Variants in LAMC2 observed in about 807,000 individuals in gnomAD.
The protein encoded by LAMC2 is laminin subunit gamma 2, also known as laminin subunit gamma-2.
Under a neutral mutation model 140.2 loss-of-function variants are expected in LAMC2, and 97 were observed. The observed-to-expected ratio is 0.69, with a 90% CI of 0.59 to 0.82. LAMC2 has a LOEUF of 0.82. Among genes scored for constraint, LAMC2 ranks in the 40% least tolerant of loss-of-function variants. The pLI, the probability that LAMC2 is intolerant of heterozygous loss-of-function variation, is 0.00. For missense variants in LAMC2, 1,402 were observed against 1,476.1 expected (o/e 0.95, Z 0.82); for synonymous variants, 513 against 540.2 (o/e 0.95, Z 0.70).
chr1:183,208,301 A>G (rs981168250), intron 2 of LAMC2, among the ~76,000 whole-genome samples: 1 of 152,198 alleles, frequency 6.6e-6, no homozygotes, highest in Non-Finnish European at 1.5e-5. Flanking sequence ...TCTCTTAAGT[A>G]GGGGTTGGTG....
At chr1:183,241,454 C>T (rs1031771207) in intron 22 of LAMC2, among the ~76,000 whole-genome samples, 1 of 152,052 alleles carries the variant, frequency 6.6e-6, no homozygotes, top group South Asian at 2.1e-4. Context: ...TCAGGTTTCC[C>T]TACAGAATCG....
rs143231519 is a variant in LAMC2, at chr1:183,235,678, G to C, written c.2404G>C (p.Gly802Arg). ...LVRKALHEGV[G>R]SGSGSPDGAV... ...GCGCAAGGCCCTGCATGAAGGAGTC[G>C]GAAGCGGAAGCGGTAGCCCGGACGG... The change falls in exon 16 of 23, where the codon GGA becomes CGA. Residue 802 changes from glycine (G) to arginine (R), a missense_variant. Physicochemically the swap from Gly to Arg is moderately radical, Grantham distance 125. This residue lies in a region of LAMC2 where 670 missense variants were observed against 667.2 expected (regional missense o/e 1.00). Coordinates refer to ENST00000264144, the MANE Select transcript of LAMC2 (RefSeq NM_005562.3). The C allele has an allele frequency of 3.1e-6, 5 of 1,614,128 alleles. No individual in the cohort carries two copies. The highest frequency in any genetic ancestry group is 2.7e-5 in the African/African-American group (2 of 74,950).
chr1:183,239,114 A>C (rs1350083819), intron 19 of LAMC2, among the ~76,000 whole-genome samples: 2 of 152,176 alleles, frequency 1.3e-5, no homozygotes, highest in East Asian at 3.8e-4. Context: ...TGCACTCTTC[A>C]GTTTCAATAC....
rs759581674 is a variant in LAMC2 at position 183,232,144 on chromosome 1, C to G, written c.1858-43C>G. On this transcript the variant is annotated intron_variant, in intron 12 of 22. Transcript: ENST00000264144. Reference sequence around the variant, plus strand: ...CTGGTATTGGATGATCCCTTGGGTACATGGTCTCCACCCTCGTTCTGATCT... The same window carrying G: ...CTGGTATTGGATGATCCCTTGGGTAGATGGTCTCCACCCTCGTTCTGATCT... The G allele has an allele frequency of 3.1e-6, 5 of 1,610,548 alleles. No individual in the cohort carries two copies. The South Asian group carries it at 5.5e-5, about 18-fold the overall frequency.
chr1:183,200,713 C>T (rs1249739708), intron 1 of LAMC2, among the ~76,000 whole-genome samples: 1 of 151,990 alleles, frequency 6.6e-6, no homozygotes, highest in Non-Finnish European at 1.5e-5. Context: ...TGAAGTGAGC[C>T]CGAGGGATCC....
intron 1 of LAMC2, among the ~76,000 whole-genome samples, chr1:183,199,187 C>T (rs1481915034): frequency 1.4e-5 from 2 of 148,110 alleles, no homozygotes; most frequent in Non-Finnish European, 3.0e-5. Context: ...TCACTGCAAC[C>T]TCCGCCTCCC....
At chr1:183,257,455 G>T in the LAMC2 span, among the ~76,000 whole-genome samples, 1 of 151,958 alleles carries the variant, frequency 6.6e-6, no homozygotes, top group Non-Finnish European at 1.5e-5. Context: ...AAGAAGTATT[G>T]GTATTAATTA....
At chr1:183,252,788 G>A in the LAMC2 span, 1 of 1,441,136 alleles carries the variant, frequency 6.9e-7, no homozygotes, top group Admixed American at 1.7e-5. Flanking sequence ...CACACCCAAA[G>A]CAAGTCAGGA....
chr1:183,205,297 A>G (rs1425378268), intron 1 of LAMC2, among the ~76,000 whole-genome samples: 1 of 152,222 alleles, frequency 6.6e-6, no homozygotes, highest in Admixed American at 6.5e-5. Context: ...TGTACTTGGT[A>G]CAAATTTCAC....
At chr1:183,246,372 A>G (rs564387027), downstream of LAMC2, among the ~76,000 whole-genome samples, 1 of 152,314 alleles carries the variant, frequency 6.6e-6, no homozygotes, top group South Asian at 2.1e-4. Flanking sequence ...TCATGTTGTC[A>G]GTCCTTAACC....
chr1:183,213,748 C>CA (rs529019896), intron 2 of LAMC2, among the ~76,000 whole-genome samples: 3,112 of 67,928 alleles, frequency 0.046, 81 homozygotes, highest in Non-Finnish European at 0.064. Context: ...TGCAGTGAGC[C>CA]AAAAAAAAAA....
At chr1:183,186,743 G>A (rs1474681351) in intron 1 of LAMC2, among the ~76,000 whole-genome samples, 2 of 152,084 alleles carry the variant, frequency 1.3e-5, no homozygotes, top group Admixed American at 1.3e-4. Context: ...ATAATGTGTT[G>A]TTATATACGT....
chr1:183,211,051 G>A (rs1659053000), intron 2 of LAMC2, among the ~76,000 whole-genome samples: 1 of 152,202 alleles, frequency 6.6e-6, no homozygotes, highest in Non-Finnish European at 1.5e-5. Flanking sequence ...ACAAAAAAAT[G>A]CTATCATTAC....
At chr1:183,251,469 G>C in the LAMC2 span, 2 of 152,292 alleles carry the variant, frequency 1.3e-5, no homozygotes, top group Non-Finnish European at 2.9e-5. Flanking sequence ...AATTAGCAAA[G>C]ACCTCCAGGG....
chr1:183,210,501 G>A (rs923336898), intron 2 of LAMC2, among the ~76,000 whole-genome samples: 7 of 152,088 alleles, frequency 4.6e-5, no homozygotes, highest in African/African-American at 1.4e-4. Flanking sequence ...ATTAATGAAT[G>A]GCCTAAAGTC....
At chr1:183,207,839 T>TG (rs1194218144) in intron 1 of LAMC2, 42 bp from the exon 2 acceptor site, 3 of 1,514,002 alleles carry the variant, frequency 2.0e-6, no homozygotes, top group East Asian at 2.3e-5. Context: ...TGAGGTGTTT[T>TG]TTTTTTTTTT....
chr1:183,215,933 C>T (rs1558087731), intron 3 of LAMC2, among the ~76,000 whole-genome samples: 1 of 152,164 alleles, frequency 6.6e-6, no homozygotes, highest in Admixed American at 6.5e-5. Context: ...GGCAACAAGT[C>T]CTTCAAGTAA....
the LAMC2 span, among the ~76,000 whole-genome samples, chr1:183,253,947 G>GTA: frequency 3.7e-4 from 55 of 148,866 alleles, no homozygotes; most frequent in African/African-American, 1.2e-3. Context: ...GTGTGTGTAT[G>GTA]TGTGTGTGTA....
Position 183,188,425 on chromosome 1 carries a change from G to T in LAMC2, c.79+1994G>T, listed in dbSNP as rs968688484. ...GCTTCCTGGTTGTTTCCTTGCAGTA[G>T]AAATTATGGCAATAGATGAAATTGG... On this transcript the variant is annotated intron_variant, in intron 1 of 22. Coordinates refer to ENST00000264144, the MANE Select transcript of LAMC2 (RefSeq NM_005562.3). Among the ~76,000 whole-genome samples the T allele has an allele frequency of 1.6e-4, 24 of 152,344 alleles. No homozygotes were observed. In the East Asian group the frequency reaches 4.4e-3, roughly 28 times the overall value.
Sources: gnomAD v4.1 joint callset for allele counts (sites outside exome capture counted in the v4.1 genomes callset) on GRCh38, gnomAD v4.1.1 for gene constraint, gnomAD v4.1.1 regional missense constraint, MANE v1.5 for transcripts, NCBI Gene and HGNC (gene_info 2026-07-23, HGNC 2026-07-21) for gene names.